The following PCLO variants were observed in gnomAD, a reference collection of about 807,000 sequenced individuals.
PCLO encodes protein piccolo.
In PCLO, 82 loss-of-function variants were observed where a neutral mutation model predicts 427.5. The ratio of observed to expected loss-of-function variants is 0.19; its 90% CI spans 0.16 to 0.23. PCLO has a LOEUF of 0.23. Ranked by LOEUF, PCLO falls within the 10% of genes least tolerant of loss-of-function variation. The pLI is 1.00. For missense variants in PCLO, 6,239 were observed against 6,115.9 expected, an observed-to-expected ratio of 1.02 and a Z score of -0.67; for synonymous variants, 2,357 against 2,155.4, an observed-to-expected ratio of 1.09 and a Z score of -2.59.
intron 22 of PCLO, among the ~76,000 whole-genome samples, chr7:82,767,455 A>G (rs1375401799): frequency 6.6e-6 from 1 of 152,126 alleles, no homozygotes; most frequent in Non-Finnish European, 1.5e-5. Flanking sequence ...GAGATGCCAG[A>G]TCTAAGAACA....
Position 82,916,175 on chromosome 7 carries a change from T to A in PCLO, c.11811A>T (p.Thr3937=), listed in dbSNP as rs1158757524. The part of the protein sequence containing the change: ...TFQAVATMSF[T]PQVQPTPTPQ... Reference sequence around the variant, plus strand: ...GGGTTGGTGTAGGTTGAACTTGAGGTGTGAAGGACATTGTTGCCACAGCTT... The same window carrying A: ...GGGTTGGTGTAGGTTGAACTTGAGGAGTGAAGGACATTGTTGCCACAGCTT... The change falls in exon 7 of 25, where the codon ACA becomes ACT. Residue 3937 remains threonine (T), a synonymous_variant. Coordinates refer to ENST00000333891, the MANE Select transcript of PCLO (RefSeq NM_033026.6). 1 of 1,613,534 alleles carries A rather than the reference T, an allele frequency of 6.2e-7. No homozygotes were observed. The highest frequency in any genetic ancestry group is 8.5e-7 in the Non-Finnish European group (1 of 1,179,700).
chr7:82,856,917 G>A (rs1314006183), intron 10 of PCLO, among the ~76,000 whole-genome samples: 1 of 152,010 alleles, frequency 6.6e-6, no homozygotes, highest in East Asian at 1.9e-4. Flanking sequence ...ATTATTTCAG[G>A]AGTGGGTTAG....
chr7:83,073,254 G>A (rs62458606), intron 3 of PCLO, among the ~76,000 whole-genome samples: 18,618 of 151,880 alleles, frequency 0.12, 1,416 homozygotes, highest in Middle Eastern at 0.26. Flanking sequence ...TCATAAATTA[G>A]TTAAAATTAC....
chr7:82,951,137 C>T lies in PCLO; in HGVS notation c.9451G>A (p.Glu3151Lys), dbSNP rs1795335339. 6.2e-7 allele frequency: 1 copy of T among 1,613,644 alleles called. No homozygotes were observed. The highest frequency in any genetic ancestry group is 1.7e-5 in the Admixed American group (1 of 59,978). ...ATACCAGTTACTGCAATGTCCGTTT[C>T]AGATGCACCTGTTGTTATAAAATAT... is the stretch of plus-strand genomic sequence containing the variant. ...RSYFITTGAS[E>K]TDIAVTGIDI... The change falls in exon 6 of 25, where the codon GAA becomes AAA. Residue 3151 changes from glutamate to lysine, a missense_variant. By Grantham distance (56) the Glu-to-Lys change is moderately conservative. This residue lies in a region of PCLO where 4,677 missense variants were observed against 4,468.4 expected (regional missense o/e 1.05). Coordinates refer to ENST00000333891, the MANE Select transcript of PCLO (RefSeq NM_033026.6).
intron 3 of PCLO, among the ~76,000 whole-genome samples, chr7:83,081,225 A>G (rs562855102): frequency 8.9e-4 from 136 of 152,122 alleles, no homozygotes; most frequent in Non-Finnish European, 1.6e-3. Flanking sequence ...ACATACAAAT[A>G]AACTTTGTAC....
At chr7:83,062,194 T>G (rs1273047014) in intron 3 of PCLO, among the ~76,000 whole-genome samples, 2 of 152,188 alleles carry the variant, frequency 1.3e-5, no homozygotes, top group East Asian at 3.9e-4. Context: ...AATTGTTATC[T>G]ACAATTGGAT....
At chr7:82,779,851 T>G (rs1276543855) in intron 22 of PCLO, among the ~76,000 whole-genome samples, 1 of 151,774 alleles carries the variant, frequency 6.6e-6, no homozygotes, top group Non-Finnish European at 1.5e-5. Context: ...CGTTGCAAGA[T>G]GCCTGCTACA....
rs1469171481 is a variant in PCLO, at chr7:82,916,514, G to A, written c.11472C>T (p.Leu3824=). 1.2e-6 allele frequency: 2 copies of A among 1,613,536 alleles called. No homozygotes were observed. Among genetic ancestry groups the A allele is most frequent in the Non-Finnish European group, 1.7e-6 (2 of 1,179,740 alleles). Residue 3824 remains leucine, a synonymous_variant, in exon 7 of 25, where the codon CTC becomes CTT. Transcript: ENST00000333891. The part of the protein sequence containing the change: ...KEREKRERAY[L]QGVAEDRDYM... The stretch of plus-strand genomic sequence containing the variant: ...AATCACGATCCTCAGCTACTCCCTG[G>A]AGGTAGGCTCGTTCTCTCTTTTCTC...
chr7:83,045,429 C>T (rs1789080974), intron 3 of PCLO, among the ~76,000 whole-genome samples: 1 of 152,232 alleles, frequency 6.6e-6, no homozygotes. Context: ...GCTAAAATGC[C>T]TTCTGCTCCA....
At chr7:83,014,763 G>C (rs78267985) in intron 3 of PCLO, among the ~76,000 whole-genome samples, 1 of 152,082 alleles carries the variant, frequency 6.6e-6, no homozygotes, top group African/African-American at 2.4e-5. Context: ...GCAGCAGACA[G>C]TCAAATTATG....
chr7:83,140,939 T>C (rs1171046271), intron 2 of PCLO, among the ~76,000 whole-genome samples: 1 of 152,206 alleles, frequency 6.6e-6, no homozygotes, highest in East Asian at 1.9e-4. Context: ...TTCTGCATGA[T>C]TGGGTTTTCA....
intron 9 of PCLO, among the ~76,000 whole-genome samples, chr7:82,889,141 C>G (rs1793699055): frequency 6.6e-6 from 1 of 152,070 alleles, no homozygotes; most frequent in African/African-American, 2.4e-5. Context: ...CCTTGCACAG[C>G]CTTTGGTTGT....
In PCLO at chr7:83,153,967, C is replaced by A. The variant is rs559912948; in HGVS notation, c.1893+781G>T. On this transcript the variant is annotated intron_variant, in intron 2 of 24. Transcript: ENST00000333891. ...TTATTCCAGGCCTTTTCATGCTGAACTAATATTAATAAAGTCAGTTAACTT... is the reference window on the plus strand; with the variant it reads ...TTATTCCAGGCCTTTTCATGCTGAAATAATATTAATAAAGTCAGTTAACTT... Among the ~76,000 whole-genome samples, 3 of 151,992 alleles carry A rather than the reference C, an allele frequency of 2.0e-5. No homozygotes were observed. The South Asian group carries it at 6.2e-4, about 32-fold the overall frequency.
chr7:82,902,599 C>T, intron 9 of PCLO, 52 bp downstream of exon 9: 4 of 1,043,388 alleles, frequency 3.8e-6, no homozygotes, highest in South Asian at 1.4e-5. Flanking sequence ...CAAAACAAAA[C>T]AAAACAAAAC....
intron 20 of PCLO, chr7:82,821,125 G>A: frequency 1.9e-6 from 2 of 1,033,558 alleles, no homozygotes; most frequent in South Asian, 4.6e-5. Context: ...CTTCTGGCTT[G>A]ACTGGTCCAT....
At chr7:82,872,516 A>G (rs533234260) in intron 10 of PCLO, among the ~76,000 whole-genome samples, 11 of 152,184 alleles carry the variant, frequency 7.2e-5, no homozygotes, top group African/African-American at 1.9e-4. Context: ...AGTATGAAAC[A>G]CTTGGGAGAG....
chr7:82,963,456 TA>T (rs57759498), intron 4 of PCLO, among the ~76,000 whole-genome samples: 9 of 151,230 alleles, frequency 6.0e-5, no homozygotes, highest in East Asian at 1.9e-4. Flanking sequence ...AATCCACACT[TA>T]AAAAAAAAGG....
intron 22 of PCLO, among the ~76,000 whole-genome samples, chr7:82,795,858 T>C (rs1791212472): frequency 6.6e-6 from 1 of 152,216 alleles, no homozygotes; most frequent in Admixed American, 6.5e-5. Context: ...TCTTGGCTTA[T>C]ATTCGTTGTG....
chr7:83,093,492 A>ATATATTTTTTTTTTTTTTTTTT, intron 3 of PCLO, among the ~76,000 whole-genome samples: 20 of 59,304 alleles, frequency 3.4e-4, no homozygotes, highest in African/African-American at 5.4e-4. Flanking sequence ...ATATATATAT[A>ATATATTTTTTTTTTTTTTTTTT]TTTTTTTTTT....
Sources: allele counts gnomAD v4.1 joint callset (sites outside exome capture counted in the v4.1 genomes callset), GRCh38; gene constraint gnomAD v4.1.1; regional missense constraint gnomAD v4.1.1; transcripts MANE v1.5; gene names NCBI Gene and HGNC (gene_info 2026-07-23, HGNC 2026-07-21).